Variants in DSE observed in about 807,000 individuals in gnomAD.
The protein encoded by DSE is dermatan sulfate epimerase.
Under a neutral mutation model 84.4 loss-of-function variants are expected in DSE, and 36 were observed. The observed-to-expected ratio is 0.43, with a 90% CI of 0.33 to 0.56. DSE has a LOEUF of 0.56. Ranked by LOEUF, DSE falls within the 20% of genes least tolerant of loss-of-function variation. The pLI, the probability that DSE is intolerant of heterozygous loss-of-function variation, is 0.06. For missense variants in DSE, 862 were observed against 1,169.6 expected, an observed-to-expected ratio of 0.74 and a Z score of 3.84; for synonymous variants, 410 against 430.1, an observed-to-expected ratio of 0.95 and a Z score of 0.58.
At position 116,433,368 on chromosome 6, in the gene DSE, G is replaced by A. The variant is rs543521325; in HGVS notation, c.936G>A (p.Ala312=). Residue 312 remains alanine, a synonymous_variant, in exon 5 of 6, where the codon GCG becomes GCA. Transcript: ENST00000644252. ...LPGFQRTVAI[A]DSNYNWFYGP... ...GGTTTCAAAGGACTGTGGCTATTGC[G>A]GACTCAAATTACAACTGGTTTTATG... is the stretch of plus-strand genomic sequence containing the variant. 2.5e-5 allele frequency: 39 copies of A among 1,551,330 alleles called. No individual in the cohort carries two copies. The highest frequency in any genetic ancestry group is 1.5e-4 in the African/African-American group (11 of 73,132).
In DSE at chr6:116,361,253, G is replaced by T. The variant is rs949528276; in HGVS notation, c.-53-37945G>T. Among the ~76,000 whole-genome samples the T allele has an allele frequency of 3.1e-4, 47 of 151,920 alleles. 1 individual carries two copies. The highest frequency in any genetic ancestry group is 1.1e-3 in the African/African-American group (46 of 41,332). Reference sequence around the variant, plus strand: ...TTTTTCTACTTTTAGTAGAGGTGGGGTTTCACCATGTTGGGCAGGCTGGTG... The same window carrying T: ...TTTTTCTACTTTTAGTAGAGGTGGGTTTTCACCATGTTGGGCAGGCTGGTG... On this transcript the variant is annotated intron_variant, in intron 2 of 3. Transcript: ENST00000430252.
chr6:116,401,922 G>GT (rs1781623126), intron 2 of DSE, among the ~76,000 whole-genome samples: 1 of 65,086 alleles, frequency 1.5e-5, no homozygotes, highest in Non-Finnish European at 3.2e-5. Context: ...TATTATGAAA[G>GT]TAAAAAAAAA....
chr6:116,347,754 A>C lies in DSE; in HGVS notation c.-53-51444A>C, dbSNP rs954099370. ...CATGTGCAAGGACTTCATGACTAAA[A>C]CATCAAAAGCAATGGCAACAAAAGC... On this transcript the variant is annotated intron_variant, in intron 2 of 3. Coordinates refer to the DSE transcript ENST00000430252. 2.6e-5 allele frequency among the ~76,000 whole-genome samples: 4 copies of C among 152,326 alleles called. No homozygotes were observed. The South Asian group carries it at 6.2e-4, about 24-fold the overall frequency.
At chr6:116,384,326 T>C (rs183059119) in intron 1 of DSE, among the ~76,000 whole-genome samples, 4 of 152,284 alleles carry the variant, frequency 2.6e-5, no homozygotes, top group African/African-American at 9.6e-5. Flanking sequence ...AGAGGACTCA[T>C]GAAATCTATC....
At chr6:116,321,887 A>G (rs745498563) in intron 2 of DSE, among the ~76,000 whole-genome samples, 1 of 152,190 alleles carries the variant, frequency 6.6e-6, no homozygotes, top group Non-Finnish European at 1.5e-5. Flanking sequence ...CTGTACGTCT[A>G]GTACCTGACA....
At chr6:116,269,333 T>G (rs901351887) in intron 2 of DSE, among the ~76,000 whole-genome samples, 1 of 152,218 alleles carries the variant, frequency 6.6e-6, no homozygotes, top group Non-Finnish European at 1.5e-5. Context: ...ATGCTTTCAA[T>G]AAATAGAAGC....
At position 116,383,262 on chromosome 6, in the gene DSE, G is replaced by T. The variant is rs186594182; in HGVS notation, c.-54+12141G>T. ...AAAAATAAGTTTACTACAAAAGGGA[G>T]TTTTTTTTCCAGCATAGACAAACAG... On this transcript the variant is annotated intron_variant, in intron 1 of 5. Transcript: ENST00000644252. 3.3e-5 allele frequency among the ~76,000 whole-genome samples: 5 copies of T among 152,066 alleles called. No homozygotes were observed. The East Asian group carries it at 9.6e-4, about 29-fold the overall frequency.
intron 2 of DSE, among the ~76,000 whole-genome samples, chr6:116,403,003 A>G (rs1052203136): frequency 4.6e-5 from 7 of 152,240 alleles, no homozygotes; most frequent in African/African-American, 1.2e-4. Flanking sequence ...AAAATATTCA[A>G]TTGTACTCTG....
chr6:116,320,777 C>T (rs991858451), intron 2 of DSE, among the ~76,000 whole-genome samples: 6 of 152,118 alleles, frequency 3.9e-5, no homozygotes, highest in African/African-American at 1.4e-4. Flanking sequence ...CTTATAAGGA[C>T]ACCAGTGATA....
chr6:116,289,196 G>T (rs1774125750), intron 2 of DSE, among the ~76,000 whole-genome samples: 1 of 151,950 alleles, frequency 6.6e-6, no homozygotes, highest in African/African-American at 2.4e-5. Context: ...TGTACTTGGT[G>T]GGACAAACCC....
chr6:116,259,013 G>A, intron 2 of DSE: 2 of 1,507,586 alleles, frequency 1.3e-6, no homozygotes, highest in Non-Finnish European at 1.8e-6. Context: ...TAATCCTGCA[G>A]GGAAATGTCA....
chr6:116,331,680 C>T (rs771591299), intron 2 of DSE, among the ~76,000 whole-genome samples: 1 of 152,120 alleles, frequency 6.6e-6, no homozygotes, highest in Non-Finnish European at 1.5e-5. Context: ...ACAAGTAGGC[C>T]GGGCACAGTG....
chr6:116,383,220 C>T (rs1780351289), intron 1 of DSE, among the ~76,000 whole-genome samples: 1 of 152,056 alleles, frequency 6.6e-6, no homozygotes, highest in South Asian at 2.1e-4. Flanking sequence ...TAGGGCTAGA[C>T]ATAAGAAGAG....
rs1411104561 is a variant in DSE at position 116,431,038 on chromosome 6, A to T, written c.755A>T (p.Asp252Val). The T allele has an allele frequency of 6.2e-7, 1 of 1,614,158 alleles. No homozygotes were observed. Among genetic ancestry groups the T allele is most frequent in the Non-Finnish European group, 8.5e-7 (1 of 1,180,044 alleles). The part of the protein sequence containing the change: ...KSLVLLREVT[D>V]GSLYEGVAYG... ...CTGGTCTTGCTCAGGGAGGTGACGG[A>T]TGGCTCCCTCTATGAAGGAGTTGCG... Residue 252 changes from aspartate (D) to valine (V), a missense_variant, in exon 4 of 6, where the codon GAT becomes GTT. This residue lies in a region of DSE where 309 missense variants were observed against 516.9 expected (regional missense o/e 0.60). Coordinates refer to ENST00000644252, the MANE Select transcript of DSE (RefSeq NM_013352.4).
At chr6:116,328,494 A>G (rs528856797) in intron 2 of DSE, among the ~76,000 whole-genome samples, 2 of 152,196 alleles carry the variant, frequency 1.3e-5, no homozygotes, top group Non-Finnish European at 2.9e-5. Flanking sequence ...CAGCCAGGAA[A>G]TACCTCAAAT....
Position 116,437,570 on chromosome 6 carries a change from G to C in DSE, c.*225G>C, listed in dbSNP as rs1453764932. 3 of 474,220 alleles carry C rather than the reference G, an allele frequency of 6.3e-6. No homozygotes were observed. The highest frequency in any genetic ancestry group is 1.1e-5 in the Non-Finnish European group (3 of 272,868). The allele number at this position is 474,220 out of a possible 1,614,324, so 29.4% of individuals were successfully genotyped here. A position where few individuals can be genotyped will look rare whatever the true frequency, so the allele number is the denominator to read the frequency against. On this transcript the variant is annotated 3_prime_UTR_variant, in exon 6 of 6. Coordinates refer to ENST00000644252, the MANE Select transcript of DSE (RefSeq NM_013352.4). Reference sequence around the variant, plus strand: ...TGGTGGTCCTATGGTGTTTTTGGAAGTATTTGGCATTGCTAATTGAGCAGT... The same window carrying C: ...TGGTGGTCCTATGGTGTTTTTGGAACTATTTGGCATTGCTAATTGAGCAGT...
chr6:116,415,514 T>C (rs1782642390), intron 2 of DSE, among the ~76,000 whole-genome samples: 1 of 151,894 alleles, frequency 6.6e-6, no homozygotes, highest in South Asian at 2.1e-4. Context: ...TATTTGGATC[T>C]CCTTTTCTTC....
chr6:116,254,916 T>C (rs1340125098), intron 1 of DSE: 1 of 152,388 alleles, frequency 6.6e-6, no homozygotes, highest in East Asian at 1.9e-4. Flanking sequence ...TTTCAAAATG[T>C]GTTCATGTGG....
At chr6:116,283,772 G>A (rs909792141) in intron 2 of DSE, among the ~76,000 whole-genome samples, 6 of 152,048 alleles carry the variant, frequency 3.9e-5, no homozygotes, top group African/African-American at 4.8e-5. Flanking sequence ...TCGAATTCCC[G>A]ACCTCAGGTG....
Sources: gnomAD v4.1 joint callset for allele counts (sites outside exome capture counted in the v4.1 genomes callset) on GRCh38, gnomAD v4.1.1 for gene constraint, gnomAD v4.1.1 regional missense constraint, MANE v1.5 for transcripts, NCBI Gene and HGNC (gene_info 2026-07-23, HGNC 2026-07-21) for gene names.